ANGPT1: variants seen among roughly 807,000 people sequenced by gnomAD.
The protein encoded by ANGPT1 is angiopoietin-1.
ANGPT1 carries 17 observed loss-of-function variants against 62.2 expected under a neutral mutation model. The observed-to-expected ratio is 0.27, with a 90% confidence interval of 0.19 to 0.41. The LOEUF (loss-of-function observed/expected upper bound fraction) is 0.41, where lower values mean the gene tolerates loss of function less well. Ranked by LOEUF, ANGPT1 falls within the 10% of genes least tolerant of loss-of-function variation. The probability of loss-of-function intolerance (pLI) is 1.00; values close to 1 mark genes in which losing one functional copy is unlikely to be tolerated. For synonymous variants in ANGPT1, 199 were observed against 198.9 expected (o/e 1.00, Z 0.00); for missense variants, 478 against 594.9 (o/e 0.80, Z 2.04).
At chr8:107,257,740 A>G (rs756443713) in intron 8 of ANGPT1, among the ~76,000 whole-genome samples, 2 of 152,142 alleles carry the variant, frequency 1.3e-5, no homozygotes, top group South Asian at 4.1e-4. Context: ...TTATGTGGAC[A>G]AAGTTGGCCC....
intron 1 of ANGPT1, among the ~76,000 whole-genome samples, chr8:107,366,889 C>T (rs1036781786): frequency 6.6e-6 from 1 of 152,138 alleles, no homozygotes; most frequent in Non-Finnish European, 1.5e-5. Context: ...CTCTGTCTCT[C>T]GGGCTCTGTC....
chr8:107,354,952 C>G (rs1316546602), intron 1 of ANGPT1, among the ~76,000 whole-genome samples: 1 of 151,120 alleles, frequency 6.6e-6, no homozygotes, highest in Admixed American at 6.6e-5. Flanking sequence ...TCTCTGTCAC[C>G]CAGGCTGGAG....
chr8:107,405,335 TAAA>T (rs746572083), intron 1 of ANGPT1, among the ~76,000 whole-genome samples: 34 of 151,930 alleles, frequency 2.2e-4, no homozygotes, highest in Non-Finnish European at 4.3e-4. Context: ...ATATTGCAAA[TAAA>T]TGTACTATAT....
intron 4 of ANGPT1, among the ~76,000 whole-genome samples, chr8:107,306,324 T>C (rs1814716639): frequency 6.6e-6 from 1 of 152,136 alleles, no homozygotes; most frequent in African/African-American, 2.4e-5. Flanking sequence ...GCTGGTTTCA[T>C]TCATTGAATA....
At chr8:107,350,319 A>G (rs1289007331) in intron 1 of ANGPT1, among the ~76,000 whole-genome samples, 2 of 152,098 alleles carry the variant, frequency 1.3e-5, no homozygotes, top group Admixed American at 6.6e-5. Context: ...GTGAGCTCCA[A>G]TACAAGATCT....
chr8:107,273,954 C>A (rs924847355), intron 7 of ANGPT1, among the ~76,000 whole-genome samples: 34 of 151,140 alleles, frequency 2.2e-4, no homozygotes, highest in African/African-American at 7.8e-4. Context: ...TCTATGGTTC[C>A]TTGATCAAAA....
intron 1 of ANGPT1, among the ~76,000 whole-genome samples, chr8:107,419,937 T>C (rs1436158393): frequency 1.3e-5 from 2 of 152,196 alleles, no homozygotes; most frequent in Non-Finnish European, 2.9e-5. Context: ...ATTCGTGACT[T>C]AATTTAATCT....
intron 7 of ANGPT1, among the ~76,000 whole-genome samples, chr8:107,279,734 C>T (rs920528777): frequency 2.1e-5 from 3 of 145,824 alleles, no homozygotes; most frequent in Non-Finnish European, 4.5e-5. Context: ...CACACACATA[C>T]ACACACACGT....
At chr8:107,331,110 AAGAT>A (rs1443189356) in intron 3 of ANGPT1, among the ~76,000 whole-genome samples, 4 of 152,176 alleles carry the variant, frequency 2.6e-5, no homozygotes, top group Non-Finnish European at 5.9e-5. Context: ...TATCAAATGA[AAGAT>A]AGCTTTAATT....
At chr8:107,459,815 A>G (rs1216606367) in intron 1 of ANGPT1, among the ~76,000 whole-genome samples, 2 of 152,172 alleles carry the variant, frequency 1.3e-5, no homozygotes, top group Non-Finnish European at 2.9e-5. Flanking sequence ...GGATCCAAAG[A>G]CGCATCAAGT....
intron 1 of ANGPT1, among the ~76,000 whole-genome samples, chr8:107,400,030 A>C (rs922154522): frequency 1.3e-5 from 2 of 152,164 alleles, no homozygotes; most frequent in African/African-American, 4.8e-5. Flanking sequence ...TCAAAAGGAG[A>C]GTGGGACTTT....
intron 1 of ANGPT1, among the ~76,000 whole-genome samples, chr8:107,405,253 T>C (rs990928708): frequency 1.3e-5 from 2 of 151,948 alleles, no homozygotes; most frequent in African/African-American, 2.4e-5. Flanking sequence ...TATGTAGAGC[T>C]ATATAGGAGG....
chr8:107,313,108 T>C (rs1814916282), intron 4 of ANGPT1, among the ~76,000 whole-genome samples: 2 of 151,934 alleles, frequency 1.3e-5, no homozygotes, highest in Admixed American at 6.6e-5. Context: ...CTTGTGAAAA[T>C]GGAACGTTCA....
chr8:107,253,863 T>C (rs1813299818), intron 8 of ANGPT1, among the ~76,000 whole-genome samples: 1 of 152,156 alleles, frequency 6.6e-6, no homozygotes. Context: ...ATTGATCTTG[T>C]GTAGCTTTTT....
chr8:107,474,561 C>A (rs1269400708), intron 1 of ANGPT1, among the ~76,000 whole-genome samples: 3 of 152,134 alleles, frequency 2.0e-5, no homozygotes, highest in African/African-American at 7.2e-5. Flanking sequence ...TCCTATCCAA[C>A]ATAGTGTTGG....
At chr8:107,472,449 A>G (rs1812386624) in intron 1 of ANGPT1, among the ~76,000 whole-genome samples, 1 of 152,132 alleles carries the variant, frequency 6.6e-6, no homozygotes, top group Non-Finnish European at 1.5e-5. Context: ...CTGTATTTGA[A>G]GAAGGGAATC....
chr8:107,297,737 T>C (rs935552254), intron 5 of ANGPT1, among the ~76,000 whole-genome samples: 3 of 149,382 alleles, frequency 2.0e-5, no homozygotes, highest in Non-Finnish European at 4.4e-5. Context: ...CACCTTTCTA[T>C]ATGTATTATG....
At chr8:107,442,794 C>G (rs1811517065) in intron 1 of ANGPT1, among the ~76,000 whole-genome samples, 1 of 152,068 alleles carries the variant, frequency 6.6e-6, no homozygotes, top group Non-Finnish European at 1.5e-5. Flanking sequence ...TAAAACTGTC[C>G]CAAAGTTTTA....
intron 8 of ANGPT1, among the ~76,000 whole-genome samples, chr8:107,255,597 G>C (rs1480156546): frequency 6.6e-6 from 1 of 152,076 alleles, no homozygotes; most frequent in African/African-American, 2.4e-5. Flanking sequence ...GTATTTATAT[G>C]CATTTTCTCA....
Sources: gnomAD v4.1 joint callset for allele counts (sites outside exome capture counted in the v4.1 genomes callset) on GRCh38, gnomAD v4.1.1 for gene constraint, MANE v1.5 for transcripts, NCBI Gene and HGNC (gene_info 2026-07-23, HGNC 2026-07-21) for gene names.